ATXN10: variants seen among roughly 807,000 people sequenced by gnomAD.
The protein encoded by ATXN10 is ataxin 10, also known as ataxin-10.
A neutral mutation model predicts 52.9 loss-of-function variants in ATXN10; 28 were observed. The observed-to-expected ratio is 0.53, with a 90% confidence interval of 0.39 to 0.73. ATXN10 has a LOEUF of 0.73. Ranked by LOEUF, ATXN10 falls within the 30% of genes least tolerant of loss-of-function variation. The pLI is 0.00. For missense variants in ATXN10, 565 were observed against 577.0 expected (o/e 0.98, Z 0.21); for synonymous variants, 226 against 221.5 (o/e 1.02, Z -0.18).
At chr22:45,720,132 T>C (rs1924593716) in intron 6 of ATXN10, among the ~76,000 whole-genome samples, 1 of 152,224 alleles carries the variant, frequency 6.6e-6, no homozygotes, top group Non-Finnish European at 1.5e-5. Context: ...TTCTCCACTT[T>C]ACCTTTTCAG....
chr22:45,705,322 C>T lies in ATXN10; in HGVS notation c.647+2475C>T, dbSNP rs573969355. Among the ~76,000 whole-genome samples the T allele has an allele frequency of 7.9e-5, 12 of 152,046 alleles. No homozygotes were observed. Among genetic ancestry groups the T allele is most frequent in the African/African-American group, 2.4e-4 (10 of 41,492 alleles). ...TTGTTTTTGGAAGACTGTAAAGGAT[C>T]GGTATTCATCTTTAAATATGTGGTA... is the stretch of plus-strand genomic sequence containing the variant. On this transcript the variant is annotated intron_variant, in intron 5 of 11. Transcript: ENST00000252934. This position sits in a 1 kb window ranked among gnomAD's most constrained non-coding sequence, Gnocchi z 5.2.
rs755820368 is a variant in ATXN10 at position 45,708,988 on chromosome 22, G to A, written c.647+6141G>A. Among the ~76,000 whole-genome samples, 67 of 152,188 alleles carry A rather than the reference G, an allele frequency of 4.4e-4. No homozygotes were observed. Among genetic ancestry groups the A allele is most frequent in the Non-Finnish European group, 8.5e-4 (58 of 68,032 alleles). On this transcript the variant is annotated intron_variant, in intron 5 of 11. Coordinates refer to ENST00000252934, the MANE Select transcript of ATXN10 (RefSeq NM_013236.4). The surrounding 1 kb of genome is among the most constrained non-coding windows in gnomAD (Gnocchi z 5.3). ...TTTTACCCAGTTTCACTACAAAAAT[G>A]AAGTTATAACTGGGAGCAAAGCATT... is the stretch of plus-strand genomic sequence containing the variant.
At chr22:45,760,618 A>G (rs973524231) in intron 9 of ATXN10, 1 of 154,128 alleles carries the variant, frequency 6.5e-6, no homozygotes. Context: ...GATTACAGCA[A>G]TAGTAGTTGC....
chr22:45,740,717 C>CGT (rs1925487552), intron 9 of ATXN10, 179 bp downstream of exon 9: 1 of 405,870 alleles, frequency 2.5e-6, no homozygotes, highest in Admixed American at 3.8e-5. Flanking sequence ...CACACACACA[C>CGT]ACATATATAT....
At chr22:45,746,560 C>A (rs1925734034) in intron 9 of ATXN10, among the ~76,000 whole-genome samples, 1 of 152,060 alleles carries the variant, frequency 6.6e-6, no homozygotes, top group Admixed American at 6.6e-5. Context: ...TAGTGTTTTT[C>A]TTTTTGCAAC....
chr22:45,795,423 C>CTATTCTATTCTATTA lies in ATXN10; in HGVS notation c.1174-11535_1174-11534insATTCTATTCTATTAT, dbSNP rs1407609912. Among the ~76,000 whole-genome samples, 4 of 126,178 alleles carry CTATTCTATTCTATTA rather than the reference C, an allele frequency of 3.2e-5. No homozygotes were observed. Among genetic ancestry groups the CTATTCTATTCTATTA allele is most frequent in the African/African-American group, 1.3e-4 (4 of 30,568 alleles). The allele number at this position is 126,178 out of a possible 152,430, so 82.8% of individuals were successfully genotyped here. A position where few individuals can be genotyped will look rare whatever the true frequency, so the allele number is the denominator to read the frequency against. On this transcript the variant is annotated intron_variant, in intron 9 of 11. Transcript: ENST00000252934. This position sits in a 1 kb window ranked among gnomAD's most constrained non-coding sequence, Gnocchi z 4.6. ...CTATTCTATTCTATTCTATTCTATT[C>CTATTCTATTCTATTA]TTTTTGAGATGAAGTCTCTCTATGT...
intron 5 of ATXN10, among the ~76,000 whole-genome samples, chr22:45,717,698 A>G (rs377362559): frequency 2.0e-5 from 3 of 152,162 alleles, no homozygotes; most frequent in Admixed American, 6.5e-5. Context: ...TGATTAAACT[A>G]TGTGTCAATA....
At chr22:45,821,295 T>C (rs1284141249) in intron 10 of ATXN10, among the ~76,000 whole-genome samples, 1 of 150,884 alleles carries the variant, frequency 6.6e-6, no homozygotes, top group Admixed American at 6.6e-5. Context: ...GAGGATCGCT[T>C]GAGCCTGGGA....
At position 45,754,045 on chromosome 22, in the gene ATXN10, A is replaced by G. The variant is rs1199893650; in HGVS notation, c.1173+13507A>G. Among the ~76,000 whole-genome samples, 1 of 152,090 alleles carries G rather than the reference A, an allele frequency of 6.6e-6. No homozygotes were observed. Among genetic ancestry groups the G allele is most frequent in the Non-Finnish European group, 1.5e-5 (1 of 68,020 alleles). ...ACTCTTGTCTGCCTCTCTGGGTTTT[A>G]TTTCTGGCCTCTGAGAATGATGCTC... On this transcript the variant is annotated intron_variant, in intron 9 of 11. Coordinates refer to ENST00000252934, the MANE Select transcript of ATXN10 (RefSeq NM_013236.4). The surrounding 1 kb of genome is among the most constrained non-coding windows in gnomAD (Gnocchi z 5.4).
intron 9 of ATXN10, chr22:45,793,801 A>C (rs756024065): frequency 7.6e-7 from 1 of 1,313,606 alleles, no homozygotes; most frequent in African/African-American, 1.5e-5. Flanking sequence ...ATTGGGACTT[A>C]GCCTGGGAAG....
chr22:45,807,522 G>T (rs1411862836), intron 10 of ATXN10, among the ~76,000 whole-genome samples: 1 of 152,176 alleles, frequency 6.6e-6, no homozygotes, highest in Non-Finnish European at 1.5e-5. Flanking sequence ...TCTCATCTTC[G>T]GAGGGTTTGT....
chr22:45,814,360 A>G (rs1326067747), intron 10 of ATXN10, among the ~76,000 whole-genome samples: 2 of 152,256 alleles, frequency 1.3e-5, no homozygotes, highest in Non-Finnish European at 2.9e-5. Flanking sequence ...TAGTAAGCAT[A>G]TGGAATGAAT....
chr22:45,755,211 G>A (rs1232706583), intron 9 of ATXN10, among the ~76,000 whole-genome samples: 3 of 152,192 alleles, frequency 2.0e-5, no homozygotes, highest in Non-Finnish European at 2.9e-5. Context: ...CAGAGGTGTG[G>A]CCTGATTTCT....
intron 6 of ATXN10, among the ~76,000 whole-genome samples, chr22:45,722,762 TG>T (rs1331039174): frequency 2.6e-5 from 4 of 152,048 alleles, no homozygotes; most frequent in Admixed American, 2.0e-4. Context: ...TCCACCACCT[TG>T]GGGCCCACCC....
rs1364001612 is a variant in ATXN10 at position 45,835,721 on chromosome 22, C to T, written c.1238-7270C>T. Among the ~76,000 whole-genome samples the T allele has an allele frequency of 6.6e-6, 1 of 152,294 alleles. No individual in the cohort carries two copies. Among genetic ancestry groups the T allele is most frequent in the East Asian group, 1.9e-4 (1 of 5,188 alleles). ...GTGTTGCTGAGATGGCTTTTTCCCTCCGGAAAGACTGAAACTGCTCTTTCT... is the reference window on the plus strand; with the variant it reads ...GTGTTGCTGAGATGGCTTTTTCCCTTCGGAAAGACTGAAACTGCTCTTTCT... On this transcript the variant is annotated intron_variant, in intron 10 of 11. Transcript: ENST00000252934. This position sits in a 1 kb window ranked among gnomAD's most constrained non-coding sequence, Gnocchi z 5.0.
At chr22:45,710,713 T>C (rs571926200) in intron 5 of ATXN10, among the ~76,000 whole-genome samples, 112 of 152,352 alleles carry the variant, frequency 7.4e-4, no homozygotes, top group African/African-American at 2.6e-3. Flanking sequence ...TTATCTATTG[T>C]CTACGGCTGC....
intron 10 of ATXN10, chr22:45,822,981 A>G (rs765262617): frequency 3.7e-5 from 8 of 214,498 alleles, no homozygotes; most frequent in Non-Finnish European, 6.8e-5. Context: ...TTATTTGTTC[A>G]GTTGTATGTG....
chr22:45,719,875 G>T (rs1352577817), intron 6 of ATXN10, among the ~76,000 whole-genome samples: 1 of 152,022 alleles, frequency 6.6e-6, no homozygotes, highest in Non-Finnish European at 1.5e-5. Context: ...ATACCTGCTT[G>T]TTATTGTAGC....
chr22:45,724,402 G>C lies in ATXN10; in HGVS notation c.729-5023G>C, dbSNP rs542154783. 8.8e-4 allele frequency among the ~76,000 whole-genome samples: 134 copies of C among 152,054 alleles called. 1 individual carries two copies. The highest frequency in any genetic ancestry group is 3.0e-3 in the African/African-American group (125 of 41,470). ...TGGCATCTCATTGTGGTTTTAATTTGCATTTCCCTGATGACTAGTGATGGT... is the reference window on the plus strand; with the variant it reads ...TGGCATCTCATTGTGGTTTTAATTTCCATTTCCCTGATGACTAGTGATGGT... On this transcript the variant is annotated intron_variant, in intron 6 of 11. Transcript: ENST00000252934.
Sources: gnomAD v4.1 joint callset for allele counts (sites outside exome capture counted in the v4.1 genomes callset) on GRCh38, gnomAD v4.1.1 for gene constraint, Gnocchi (gnomAD v3.1) non-coding constraint, MANE v1.5 for transcripts, NCBI Gene and HGNC (gene_info 2026-07-23, HGNC 2026-07-21) for gene names.